Variants in RBFOX1 observed in about 807,000 individuals in gnomAD.
RBFOX1 encodes the protein RNA binding fox-1 homolog 1.
RBFOX1 carries 8 observed loss-of-function variants against 57.7 expected under a neutral mutation model. The ratio of observed to expected loss-of-function variants is 0.14; its 90% CI spans 0.08 to 0.25. The LOEUF (loss-of-function observed/expected upper bound fraction) is 0.25. Among genes scored for constraint, RBFOX1 ranks in the 10% least tolerant of loss-of-function variants. The pLI is 1.00. For missense variants in RBFOX1, 611 were observed against 548.5 expected (o/e 1.11, Z -1.14); for synonymous variants, 326 against 222.4 (o/e 1.47, Z -4.15).
rs187710921 is a variant in RBFOX1 at position 7,602,383 on chromosome 16, T to G, written c.623-4902T>G. On this transcript the variant is annotated intron_variant, in intron 9 of 15. Transcript: ENST00000550418. ...TGGCTCCATTGCCTTGTTGTGGGGCTGGGGGGGCCCTGGGAGGCTGGGACC... is the reference window on the plus strand; with the variant it reads ...TGGCTCCATTGCCTTGTTGTGGGGCGGGGGGGGCCCTGGGAGGCTGGGACC... 5.5e-3 allele frequency among the ~76,000 whole-genome samples: 843 copies of G among 152,172 alleles called. 9 individuals carry two copies. The highest frequency in any genetic ancestry group is 0.019 in the African/African-American group (799 of 41,510).
At chr16:5,725,824 C>G (rs995665811) in intron 3 of RBFOX1, among the ~76,000 whole-genome samples, 1 of 151,956 alleles carries the variant, frequency 6.6e-6, no homozygotes, top group African/African-American at 2.4e-5. Flanking sequence ...GATGCCAGCT[C>G]TCCGAGTTCT....
At chr16:6,866,907 A>G (rs551872684) in intron 3 of RBFOX1, among the ~76,000 whole-genome samples, 2 of 152,216 alleles carry the variant, frequency 1.3e-5, no homozygotes, top group Admixed American at 6.5e-5. Context: ...AAGCATCAAG[A>G]TAAGGAAACC....
At chr16:7,058,861 A>G (rs905249538) in intron 4 of RBFOX1, among the ~76,000 whole-genome samples, 1 of 152,310 alleles carries the variant, frequency 6.6e-6, no homozygotes, top group Admixed American at 6.5e-5. Flanking sequence ...TGCTTTAAAG[A>G]TAAATATTAA....
At chr16:6,913,290 G>A (rs1429841431) in intron 3 of RBFOX1, among the ~76,000 whole-genome samples, 1 of 152,030 alleles carries the variant, frequency 6.6e-6, no homozygotes, top group African/African-American at 2.4e-5. Context: ...CATAATTACA[G>A]CCTGTGTCAT....
chr16:6,024,151 C>T (rs995337397), intron 1 of RBFOX1, among the ~76,000 whole-genome samples: 1 of 152,026 alleles, frequency 6.6e-6, no homozygotes, highest in African/African-American at 2.4e-5. Context: ...GTGACTGTGG[C>T]CTGCTGCTAC....
intron 1 of RBFOX1, among the ~76,000 whole-genome samples, chr16:6,116,445 A>T (rs2096496589): frequency 6.6e-6 from 1 of 152,168 alleles, no homozygotes; most frequent in South Asian, 2.1e-4. Context: ...TGTTAATCAA[A>T]GTTTTCTTAT....
intron 1 of RBFOX1, among the ~76,000 whole-genome samples, chr16:5,420,857 TTCC>T (rs1222907205): frequency 1.5e-5 from 2 of 137,290 alleles, no homozygotes; most frequent in Non-Finnish European, 3.1e-5. Flanking sequence ...CCACCTCCTC[TTCC>T]TCCTCCTCCT....
chr16:6,967,082 C>T (rs1033851089), intron 3 of RBFOX1, among the ~76,000 whole-genome samples: 4 of 152,156 alleles, frequency 2.6e-5, no homozygotes, highest in African/African-American at 9.7e-5. Context: ...CATTCATCCA[C>T]CCATCATTCT....
At chr16:5,331,246 C>T (rs777242544) in intron 1 of RBFOX1, among the ~76,000 whole-genome samples, 6 of 152,204 alleles carry the variant, frequency 3.9e-5, no homozygotes, top group Admixed American at 6.5e-5. Flanking sequence ...TTGCTAAATT[C>T]GTTCATCACC....
chr16:6,999,243 A>C (rs1162792995), intron 3 of RBFOX1, among the ~76,000 whole-genome samples: 2 of 72,942 alleles, frequency 2.7e-5, no homozygotes, highest in African/African-American at 4.5e-5. Context: ...TTTTTTTTAG[A>C]GATCAGGTCT....
chr16:7,583,114 G>C (rs1347123957), intron 6 of RBFOX1, among the ~76,000 whole-genome samples: 1 of 145,926 alleles, frequency 6.9e-6, no homozygotes, highest in Non-Finnish European at 1.5e-5. Flanking sequence ...GGAAGCATTT[G>C]TTCCCATGTT....
intron 14 of RBFOX1, among the ~76,000 whole-genome samples, chr16:7,697,358 A>G (rs1276205057): frequency 6.6e-6 from 1 of 152,156 alleles, no homozygotes; most frequent in Non-Finnish European, 1.5e-5. Context: ...CTATCAGTTA[A>G]TTCCATGGAG....
intron 4 of RBFOX1, among the ~76,000 whole-genome samples, chr16:7,126,094 AG>A (rs368137071): frequency 2.6e-5 from 4 of 152,304 alleles, no homozygotes; most frequent in African/African-American, 9.6e-5. Flanking sequence ...CCCCACCAAA[AG>A]AATAAAAAAT....
intron 4 of RBFOX1, among the ~76,000 whole-genome samples, chr16:7,227,719 C>A (rs2093234517): frequency 6.6e-6 from 1 of 152,180 alleles, no homozygotes; most frequent in Non-Finnish European, 1.5e-5. Flanking sequence ...GCCCTGCCTG[C>A]AGGCTGGCCT....
intron 1 of RBFOX1, among the ~76,000 whole-genome samples, chr16:5,445,062 A>G (rs532897189): frequency 2.2e-4 from 34 of 152,108 alleles, no homozygotes; most frequent in African/African-American, 7.5e-4. Flanking sequence ...TCAGATGTGC[A>G]CTCTGAAGAC....
intron 3 of RBFOX1, among the ~76,000 whole-genome samples, chr16:5,756,951 T>G (rs2151633866): frequency 6.6e-6 from 1 of 152,346 alleles, no homozygotes; most frequent in Non-Finnish European, 1.5e-5. Flanking sequence ...CTGTATTATC[T>G]TAACACAATA....
At chr16:6,186,071 G>A (rs1379522948) in intron 1 of RBFOX1, among the ~76,000 whole-genome samples, 1 of 152,106 alleles carries the variant, frequency 6.6e-6, no homozygotes, top group Admixed American at 6.5e-5. Context: ...ATTGTCCAGA[G>A]GATTTGAAAA....
intron 1 of RBFOX1, among the ~76,000 whole-genome samples, chr16:6,096,259 AAGAAAAGAGG>A (rs1458263174): frequency 6.6e-6 from 1 of 152,210 alleles, no homozygotes; most frequent in African/African-American, 2.4e-5. Flanking sequence ...TTCTGTCCCA[AAGAAAAGAGG>A]AGAAAAGGAA....
chr16:6,059,046 A>G (rs572677539), intron 1 of RBFOX1, among the ~76,000 whole-genome samples: 1 of 152,324 alleles, frequency 6.6e-6, no homozygotes, highest in South Asian at 2.1e-4. Context: ...AAACACCACC[A>G]CATGCACTAC....
Sources: gnomAD v4.1 joint callset for allele counts (sites outside exome capture counted in the v4.1 genomes callset) on GRCh38, gnomAD v4.1.1 for gene constraint, MANE v1.5 for transcripts, NCBI Gene and HGNC (gene_info 2026-07-23, HGNC 2026-07-21) for gene names.